The following CDK18 variants were observed in gnomAD, a reference collection of about 807,000 sequenced individuals.
The protein encoded by CDK18 is cyclin dependent kinase 18.
Under a neutral mutation model 62.0 loss-of-function variants are expected in CDK18, and 52 were observed. The ratio of observed to expected loss-of-function variants is 0.84; its 90% CI spans 0.67 to 1.06. The LOEUF is 1.06. Ranked by LOEUF, CDK18 falls within the 50% of genes least tolerant of loss-of-function variation. The probability of loss-of-function intolerance (pLI) is 0.00; values close to 1 mark genes in which losing one functional copy is unlikely to be tolerated. For synonymous variants in CDK18, 237 were observed against 247.0 expected, an observed-to-expected ratio of 0.96 and a Z score of 0.38; for missense variants, 604 against 619.9, an observed-to-expected ratio of 0.97 and a Z score of 0.27.
chr1:205,528,784 C>T lies in CDK18; in HGVS notation c.975-215C>T, dbSNP rs1280321502. ...GACTTTCCTCACAGAGTGAAAGTCG[C>T]AGCTTTCCCGAGCCCAGGGAAGCCC... On this transcript the variant is annotated intron_variant, in intron 10 of 15. Coordinates refer to ENST00000429964, the MANE Select transcript of CDK18 (RefSeq NM_212502.3). This position sits in a 1 kb window ranked among gnomAD's most constrained non-coding sequence, Gnocchi z 4.2. 3 of 470,576 alleles carry T rather than the reference C, an allele frequency of 6.4e-6. No homozygotes were observed. In the East Asian group the frequency reaches 9.5e-5, roughly 15 times the overall value. The allele number at this position is 470,576 out of a possible 1,614,324, so 29.2% of individuals were successfully genotyped here.
rs1053258924 is a variant in CDK18, at chr1:205,516,572, A to G, written c.-21-6575A>G. 2.0e-5 allele frequency among the ~76,000 whole-genome samples: 3 copies of G among 152,274 alleles called. No individual in the cohort carries two copies. Among genetic ancestry groups the G allele is most frequent in the East Asian group, 3.9e-4 (2 of 5,168 alleles). On this transcript the variant is annotated intron_variant, in intron 1 of 15. Coordinates refer to ENST00000429964, the MANE Select transcript of CDK18 (RefSeq NM_212502.3). The surrounding 1 kb of genome is among the most constrained non-coding windows in gnomAD (Gnocchi z 4.8). Reference sequence around the variant, plus strand: ...TGCTCCACATGTGCCTGTAAAGCAGACACATGCCTGCTGTATGCCACCAGC... The same window carrying G: ...TGCTCCACATGTGCCTGTAAAGCAGGCACATGCCTGCTGTATGCCACCAGC...
intron 4 of CDK18, 71 bp from the exon 5 acceptor site, chr1:205,525,068 G>C (rs1389954640): frequency 2.0e-6 from 2 of 980,082 alleles, no homozygotes; most frequent in Non-Finnish European, 3.2e-6. Context: ...GGCTGGAGTT[G>C]GGGGAGGCGT....
rs574552377 is a variant in CDK18, at chr1:205,523,651, G to A, written c.273+26G>A. The A allele has an allele frequency of 3.6e-5, 56 of 1,554,512 alleles. No homozygotes were observed. Among genetic ancestry groups the A allele is most frequent in the South Asian group, 1.3e-4 (11 of 84,042 alleles). On this transcript the variant is annotated intron_variant, in intron 3 of 15. Transcript: ENST00000429964. The stretch of plus-strand genomic sequence containing the variant: ...GTAAGGGCCTCTGGAGCTCTGCCCC[G>A]GCAGGTGGCAGGATGCACGCACAAG...
chr1:205,524,207 C>T (rs1668297201), intron 3 of CDK18, 25 bp from the exon 4 acceptor site: 2 of 1,613,918 alleles, frequency 1.2e-6, no homozygotes, highest in African/African-American at 1.3e-5. Context: ...ACAGTGGTGT[C>T]CCCATCTCAT....
intron 1 of CDK18, among the ~76,000 whole-genome samples, chr1:205,520,520 C>T (rs372672697): frequency 2.2e-4 from 33 of 151,822 alleles, no homozygotes; most frequent in Admixed American, 2.2e-3. Flanking sequence ...GCCAACATGG[C>T]GAAATCCTGT....
At chr1:205,512,144 G>T (rs1212186564) in intron 1 of CDK18, among the ~76,000 whole-genome samples, 5 of 152,218 alleles carry the variant, frequency 3.3e-5, no homozygotes, top group East Asian at 1.9e-4. Flanking sequence ...GGAGCTGAGG[G>T]GCTTGGTGGG....
At chr1:205,519,537 C>CCTT (rs1368833824) in intron 1 of CDK18, among the ~76,000 whole-genome samples, 1 of 152,186 alleles carries the variant, frequency 6.6e-6, no homozygotes, top group African/African-American at 2.4e-5. Context: ...TGACCCCCAT[C>CCTT]CCTTCTGCTG....
intron 13 of CDK18, 196 bp from the exon 14 acceptor site, chr1:205,530,063 G>C: frequency 7.0e-7 from 1 of 1,426,752 alleles, no homozygotes; most frequent in Non-Finnish European, 9.1e-7. Context: ...GGTGGCTGGA[G>C]ACCGAGGAGC....
intron 1 of CDK18, among the ~76,000 whole-genome samples, chr1:205,521,622 T>G (rs756077318): frequency 6.6e-6 from 1 of 152,126 alleles, no homozygotes; most frequent in Non-Finnish European, 1.5e-5. Context: ...GCCAGCCCGC[T>G]AAAGGAATGA....
intron 1 of CDK18, among the ~76,000 whole-genome samples, chr1:205,519,024 C>G (rs1296574353): frequency 6.6e-6 from 1 of 152,188 alleles, no homozygotes; most frequent in Non-Finnish European, 1.5e-5. Context: ...TCCCTGGACA[C>G]TCATCGCCCT....
rs758667889 is a variant in CDK18, at chr1:205,529,409, G to A, written c.1158G>A (p.Pro386=). 1.2e-6 allele frequency: 2 copies of A among 1,613,898 alleles called. No individual in the cohort carries two copies. The highest frequency in any genetic ancestry group is 1.7e-5 in the Admixed American group (1 of 60,010). ...GCTTCCCCTGCTACCTCCCGCAGCCGCTCATCAACCACGCGCCCAGGTAGC... is the reference window on the plus strand; with the variant it reads ...GCTTCCCCTGCTACCTCCCGCAGCCACTCATCAACCACGCGCCCAGGTAGC... The part of the protein sequence containing the change: ...TYSFPCYLPQ[P]LINHAPRLDT... The change falls in exon 12 of 16, where the codon CCG becomes CCA. Residue 386 remains proline, a synonymous_variant. Coordinates refer to ENST00000429964, the MANE Select transcript of CDK18 (RefSeq NM_212502.3).
At position 205,523,141 on chromosome 1, in the gene CDK18, T is replaced by C. The variant is rs373508791; in HGVS notation, c.-21-6T>C. ...TCAACTGCTCTTCTCACACTTCCCA[T>C]CTCAGGACCCGGCTGCCCAGTCCCT... On this transcript the variant is annotated splice_region_variant and splice_polypyrimidine_tract_variant and intron_variant, in intron 1 of 15. Transcript: ENST00000429964. 10 of 1,584,664 alleles carry C rather than the reference T, an allele frequency of 6.3e-6. 1 individual carries two copies. Among genetic ancestry groups the C allele is most frequent in the Non-Finnish European group, 8.6e-6 (10 of 1,163,802 alleles).
intron 5 of CDK18, 63 bp downstream of exon 5, chr1:205,525,258 C>G (rs1668365184): frequency 1.6e-6 from 2 of 1,249,388 alleles, no homozygotes; most frequent in Admixed American, 3.9e-5. Flanking sequence ...GAGGGGCAGA[C>G]CTCCCTAGTC....
At chr1:205,522,045 G>A (rs938678107) in intron 1 of CDK18, among the ~76,000 whole-genome samples, 2 of 152,186 alleles carry the variant, frequency 1.3e-5, no homozygotes, top group African/African-American at 2.4e-5. Flanking sequence ...AGGATGAGAG[G>A]GGGGCTGCAC....
At chr1:205,508,322 C>G (rs1379618837) in intron 1 of CDK18, among the ~76,000 whole-genome samples, 1 of 152,262 alleles carries the variant, frequency 6.6e-6, no homozygotes, top group Non-Finnish European at 1.5e-5. Flanking sequence ...CTGGCTCCCA[C>G]AGCTGCTTAC....
rs1668618114 is a variant in CDK18, at chr1:205,529,373, C to A, written c.1122C>A (p.Phe374Leu). 2 of 1,614,022 alleles carry A rather than the reference C, an allele frequency of 1.2e-6. No homozygotes were observed. Among genetic ancestry groups the A allele is most frequent in the Middle Eastern group, 1.6e-4 (1 of 6,062 alleles). ...TWPGVTAFSE[F>L]RTYSFPCYLP... ...CCGGCGTGACCGCCTTCTCTGAGTTCCGCACCTACAGCTTCCCCTGCTACC... is the reference window on the plus strand; with the variant it reads ...CCGGCGTGACCGCCTTCTCTGAGTTACGCACCTACAGCTTCCCCTGCTACC... Residue 374 changes from phenylalanine (F) to leucine (L), a missense_variant, in exon 12 of 16, where the codon TTC becomes TTA. Coordinates refer to ENST00000429964, the MANE Select transcript of CDK18 (RefSeq NM_212502.3).
chr1:205,511,665 G>T (rs1485391229), intron 1 of CDK18, among the ~76,000 whole-genome samples: 1 of 152,196 alleles, frequency 6.6e-6, no homozygotes, highest in Admixed American at 6.5e-5. Flanking sequence ...TTATCTAACA[G>T]TGTGCTGTGT....
In CDK18 at chr1:205,528,528, T is replaced by C. The variant is rs1019121053; in HGVS notation, c.974+360T>C. 1 of 249,130 alleles carries C rather than the reference T, an allele frequency of 4.0e-6. No individual in the cohort carries two copies. Among genetic ancestry groups the C allele is most frequent in the Non-Finnish European group, 7.6e-6 (1 of 130,846 alleles). 15.4% of individuals were successfully genotyped at this position (249,130 alleles called of 1,614,324 possible). A position where few individuals can be genotyped will look rare whatever the true frequency, so the allele number is the denominator to read the frequency against. ...GAGAAGTACTATTTTTATGTTAAAA[T>C]GAACAAGTGTATGATTTGGTGTAAA... is the stretch of plus-strand genomic sequence containing the variant. On this transcript the variant is annotated intron_variant, in intron 10 of 15. Coordinates refer to ENST00000429964, the MANE Select transcript of CDK18 (RefSeq NM_212502.3). This position sits in a 1 kb window ranked among gnomAD's most constrained non-coding sequence, Gnocchi z 4.2.
chr1:205,509,769 G>C (rs1575043262), intron 1 of CDK18, among the ~76,000 whole-genome samples: 1 of 152,088 alleles, frequency 6.6e-6, no homozygotes. Context: ...CCCAAATTGG[G>C]AAGAGAACTC....
Sources: allele counts gnomAD v4.1 joint callset (sites outside exome capture counted in the v4.1 genomes callset), GRCh38; gene constraint gnomAD v4.1.1; non-coding constraint Gnocchi (gnomAD v3.1); transcripts MANE v1.5; gene names NCBI Gene and HGNC (gene_info 2026-07-23, HGNC 2026-07-21).